Variants in SCAPER observed in about 807,000 individuals in gnomAD.
The protein encoded by SCAPER is S-phase cyclin A associated protein in the ER.
In SCAPER, 98 loss-of-function variants were observed where a neutral mutation model predicts 182.2. The observed-to-expected ratio is 0.54, with a 90% CI of 0.46 to 0.64. The LOEUF is 0.64. Among genes scored for constraint, SCAPER ranks in the 30% least tolerant of loss-of-function variants. SCAPER has a pLI of 0.00. For synonymous variants in SCAPER, 605 were observed against 564.6 expected, an observed-to-expected ratio of 1.07 and a Z score of -1.01; for missense variants, 1,432 against 1,690.0, an observed-to-expected ratio of 0.85 and a Z score of 2.68.
intron 8 of SCAPER, among the ~76,000 whole-genome samples, chr15:76,788,988 C>A (rs1302772985): frequency 6.6e-6 from 1 of 152,092 alleles, no homozygotes; most frequent in East Asian, 1.9e-4. Flanking sequence ...TTTTTTCAAT[C>A]CATTCCCCTT....
intron 8 of SCAPER, among the ~76,000 whole-genome samples, chr15:76,783,246 T>C (rs1371482226): frequency 2.0e-5 from 3 of 152,114 alleles, no homozygotes; most frequent in Non-Finnish European, 1.5e-5. Context: ...CAGAGAATAC[T>C]ACAAACACCT....
At chr15:76,426,675 G>A (rs866030317) in intron 26 of SCAPER, among the ~76,000 whole-genome samples, 22 of 151,806 alleles carry the variant, frequency 1.4e-4, no homozygotes, top group African/African-American at 3.6e-4. Flanking sequence ...AATCTCTGTC[G>A]GAATACCAAT....
chr15:76,506,851 C>G (rs1293142008), intron 23 of SCAPER, among the ~76,000 whole-genome samples: 4 of 152,018 alleles, frequency 2.6e-5, no homozygotes, highest in Admixed American at 2.6e-4. Flanking sequence ...CATTAAGTAA[C>G]AATTTTAGAA....
chr15:76,397,303 A>AT (rs1272955913), intron 27 of SCAPER, among the ~76,000 whole-genome samples: 2 of 151,870 alleles, frequency 1.3e-5, no homozygotes, highest in Non-Finnish European at 2.9e-5. Flanking sequence ...TGTTTCTCTG[A>AT]TTTTGACATC....
intron 25 of SCAPER, among the ~76,000 whole-genome samples, chr15:76,436,928 C>A (rs2047237653): frequency 6.6e-6 from 1 of 152,188 alleles, no homozygotes; most frequent in Non-Finnish European, 1.5e-5. Context: ...AGAATGAAAT[C>A]ATATATCCTC....
intron 26 of SCAPER, among the ~76,000 whole-genome samples, chr15:76,422,831 G>T (rs560469492): frequency 1.3e-5 from 2 of 150,938 alleles, no homozygotes; most frequent in African/African-American, 2.4e-5. Flanking sequence ...TAGCAGGAAG[G>T]GTTGTTGAAT....
chr15:76,644,905 A>G (rs1597892302), intron 21 of SCAPER, among the ~76,000 whole-genome samples: 1 of 151,946 alleles, frequency 6.6e-6, no homozygotes, highest in African/African-American at 2.4e-5. Context: ...TCTGTGCACA[A>G]TGTGAATTTT....
intron 8 of SCAPER, among the ~76,000 whole-genome samples, chr15:76,786,189 T>A (rs1246902389): frequency 6.6e-6 from 1 of 151,832 alleles, no homozygotes; most frequent in Non-Finnish European, 1.5e-5. Context: ...TAGCTGGGCG[T>A]GGTGGTGCGT....
At chr15:76,398,209 G>A (rs2044217302) in intron 27 of SCAPER, among the ~76,000 whole-genome samples, 1 of 152,154 alleles carries the variant, frequency 6.6e-6, no homozygotes, top group South Asian at 2.1e-4. Context: ...CCACAGACAA[G>A]TAACCGTCAT....
At chr15:76,643,697 C>CA (rs911150412) in intron 21 of SCAPER, among the ~76,000 whole-genome samples, 2 of 152,068 alleles carry the variant, frequency 1.3e-5, no homozygotes, top group African/African-American at 4.8e-5. Flanking sequence ...AACAAACAAA[C>CA]AAAAAGTCAT....
intron 5 of SCAPER, among the ~76,000 whole-genome samples, chr15:76,810,213 C>T (rs2066486822): frequency 6.6e-6 from 1 of 151,932 alleles, no homozygotes; most frequent in South Asian, 2.1e-4. Flanking sequence ...CATTTTATGA[C>T]TATAACAGTG....
chr15:76,876,538 G>A (rs2073176939), intron 2 of SCAPER, among the ~76,000 whole-genome samples: 1 of 151,736 alleles, frequency 6.6e-6, no homozygotes, highest in African/African-American at 2.4e-5. Flanking sequence ...CACCAAGTTG[G>A]GTTTATTTCA....
Position 76,382,699 on chromosome 15 carries a change from G to C in SCAPER, c.3468-1084C>G, listed in dbSNP as rs117677235. 4.7e-4 allele frequency among the ~76,000 whole-genome samples: 71 copies of C among 152,182 alleles called. No homozygotes were observed. The East Asian group carries it at 0.014, about 30-fold the overall frequency. ...TGGCTCAAGGGTGCCCAGGCCTAAG[G>C]TAAGCCACACATTTCTCTGGCTGTT... is the stretch of plus-strand genomic sequence containing the variant. On this transcript the variant is annotated intron_variant, in intron 27 of 31. Transcript: ENST00000563290.
At chr15:76,606,492 GT>G (rs1381773609) in intron 22 of SCAPER, among the ~76,000 whole-genome samples, 2 of 152,160 alleles carry the variant, frequency 1.3e-5, no homozygotes, top group African/African-American at 4.8e-5. Context: ...TGTATATTCT[GT>G]TGATTTGGGG....
At chr15:76,792,147 A>G (rs1474819963) in intron 8 of SCAPER, among the ~76,000 whole-genome samples, 1 of 151,962 alleles carries the variant, frequency 6.6e-6, no homozygotes, top group African/African-American at 2.4e-5. Context: ...AACTCCAAAA[A>G]AAATGATTTT....
intron 27 of SCAPER, among the ~76,000 whole-genome samples, chr15:76,389,749 T>A (rs1227338798): frequency 2.3e-5 from 3 of 133,190 alleles, no homozygotes; most frequent in African/African-American, 8.7e-5. Flanking sequence ...ACCCAGGCGG[T>A]GGAGGCTGCA....
intron 23 of SCAPER, among the ~76,000 whole-genome samples, chr15:76,505,678 T>A (rs1386314382): frequency 2.0e-5 from 3 of 152,186 alleles, no homozygotes; most frequent in Non-Finnish European, 4.4e-5. Flanking sequence ...TGGAGAATAG[T>A]TTGGAGATTT....
intron 20 of SCAPER, among the ~76,000 whole-genome samples, chr15:76,672,748 G>A (rs2057112806): frequency 1.3e-5 from 2 of 152,000 alleles, no homozygotes; most frequent in Non-Finnish European, 2.9e-5. Context: ...GTAAATCAAA[G>A]CAAGAGAAAA....
chr15:76,523,447 G>A (rs1372368334), intron 23 of SCAPER, among the ~76,000 whole-genome samples: 6 of 152,058 alleles, frequency 3.9e-5, no homozygotes, highest in East Asian at 3.9e-4. Context: ...TGATAGAACC[G>A]ACTAATAATC....
Sources: gnomAD v4.1 joint callset for allele counts (sites outside exome capture counted in the v4.1 genomes callset) on GRCh38, gnomAD v4.1.1 for gene constraint, MANE v1.5 for transcripts, NCBI Gene and HGNC (gene_info 2026-07-23, HGNC 2026-07-21) for gene names.